RBFOX1: variants seen among roughly 807,000 people sequenced by gnomAD.
The protein encoded by RBFOX1 is RNA binding fox-1 homolog 1.
In RBFOX1, 8 loss-of-function variants were observed where a neutral mutation model predicts 57.7. The ratio of observed to expected loss-of-function variants is 0.14; its 90% CI spans 0.08 to 0.25. The LOEUF (loss-of-function observed/expected upper bound fraction) is 0.25. RBFOX1 is among the 10% of genes least tolerant of loss of function. RBFOX1 has a pLI of 1.00. For synonymous variants in RBFOX1, 326 were observed against 222.4 expected (o/e 1.47, Z -4.15); for missense variants, 611 against 548.5 (o/e 1.11, Z -1.14).
In RBFOX1 at chr16:7,710,964, T is replaced by A. The variant is rs1013367275; in HGVS notation, c.*219T>A. On this transcript the variant is annotated 3_prime_UTR_variant, in exon 16 of 16. Coordinates refer to ENST00000550418, the MANE Select transcript of RBFOX1 (RefSeq NM_018723.4). Reference sequence around the variant, plus strand: ...CTTTAATTTCTGAAGGTTCCGTAGTTTGGTTGCTGGCTGTAGGAGTTTTTG... The same window carrying A: ...CTTTAATTTCTGAAGGTTCCGTAGTATGGTTGCTGGCTGTAGGAGTTTTTG... 4 of 540,178 alleles carry A rather than the reference T, an allele frequency of 7.4e-6. No homozygotes were observed. The African/African-American group carries it at 7.9e-5, about 11-fold the overall frequency. The allele number at this position is 540,178 out of a possible 1,614,324, so 33.5% of individuals were successfully genotyped here. A position where few individuals can be genotyped will look rare whatever the true frequency, so the allele number is the denominator to read the frequency against.
intron 14 of RBFOX1, among the ~76,000 whole-genome samples, chr16:7,682,493 A>AT (rs5815421): frequency 0.45 from 68,681 of 151,312 alleles, 16,210 homozygotes; most frequent in Admixed American, 0.52. Flanking sequence ...AGCCAAAGTC[A>AT]TATCTCTGTG....
At chr16:6,012,527 G>T (rs1388570505) in intron 4 of RBFOX1, among the ~76,000 whole-genome samples, 2 of 152,200 alleles carry the variant, frequency 1.3e-5, no homozygotes, top group Admixed American at 6.5e-5. Context: ...AGTGCCCAGG[G>T]AGTCCCTCCA....
chr16:5,366,737 T>A (rs2065727460), intron 1 of RBFOX1: 1 of 344,792 alleles, frequency 2.9e-6, no homozygotes, highest in African/African-American at 2.2e-5. Flanking sequence ...CTTATTTCAT[T>A]CCTGTAACAG....
chr16:6,717,627 C>T (rs1401928656), intron 3 of RBFOX1, among the ~76,000 whole-genome samples: 1 of 150,802 alleles, frequency 6.6e-6, no homozygotes, highest in African/African-American at 2.4e-5. Flanking sequence ...TTTTACATGT[C>T]ACATCCTGGA....
At chr16:6,195,003 C>G (rs2097170559) in intron 1 of RBFOX1, among the ~76,000 whole-genome samples, 1 of 152,034 alleles carries the variant, frequency 6.6e-6, no homozygotes, top group Admixed American at 6.6e-5. Context: ...TTTTTTAATT[C>G]ATGAAGTCTG....
At chr16:7,612,071 C>T (rs2057581585) in intron 10 of RBFOX1, among the ~76,000 whole-genome samples, 1 of 152,044 alleles carries the variant, frequency 6.6e-6, no homozygotes, top group Admixed American at 6.6e-5. Flanking sequence ...CCTGTAATCC[C>T]AGCACTTTGG....
intron 1 of RBFOX1, among the ~76,000 whole-genome samples, chr16:6,312,269 A>T (rs1599508288): frequency 6.6e-6 from 1 of 152,146 alleles, no homozygotes; most frequent in Non-Finnish European, 1.5e-5. Context: ...AAGAACCAGC[A>T]TTTCTGAACC....
chr16:6,768,504 C>G (rs1175084129), intron 3 of RBFOX1, among the ~76,000 whole-genome samples: 1 of 151,794 alleles, frequency 6.6e-6, no homozygotes, highest in African/African-American at 2.4e-5. Flanking sequence ...CCAGAGAAAA[C>G]TACTATGAAT....
intron 3 of RBFOX1, among the ~76,000 whole-genome samples, chr16:6,673,445 G>C (rs566608725): frequency 1.3e-5 from 2 of 151,914 alleles, no homozygotes; most frequent in African/African-American, 4.8e-5. Context: ...AAAATTAGTC[G>C]GGCCTGGTGG....
intron 4 of RBFOX1, among the ~76,000 whole-genome samples, chr16:7,268,537 T>G (rs1369664286): frequency 6.6e-6 from 1 of 152,172 alleles, no homozygotes; most frequent in Admixed American, 6.5e-5. Context: ...GGAGTTTGAA[T>G]TGCCAATTGA....
At chr16:5,571,913 G>T (rs2046296955) in intron 2 of RBFOX1, among the ~76,000 whole-genome samples, 1 of 152,206 alleles carries the variant, frequency 6.6e-6, no homozygotes. Flanking sequence ...GGGGTTAGAG[G>T]CGTGAGCCAC....
At chr16:7,548,790 G>C (rs1400124750) in intron 5 of RBFOX1, among the ~76,000 whole-genome samples, 9 of 152,190 alleles carry the variant, frequency 5.9e-5, no homozygotes, top group African/African-American at 2.2e-4. Flanking sequence ...GGAGTTGTCA[G>C]CCTGGCTACT....
intron 2 of RBFOX1, among the ~76,000 whole-genome samples, chr16:5,586,980 C>T (rs976211916): frequency 6.6e-6 from 1 of 152,122 alleles, no homozygotes; most frequent in Non-Finnish European, 1.5e-5. Context: ...TCCTGTGCTG[C>T]CCAGATGCCC....
intron 1 of RBFOX1, among the ~76,000 whole-genome samples, chr16:5,447,390 C>CTCTCTCTG (rs1458051477): frequency 1.3e-5 from 2 of 151,382 alleles, no homozygotes; most frequent in African/African-American, 4.9e-5. Context: ...CTCTCTCTCT[C>CTCTCTCTG]TCTCTCTCTC....
chr16:7,688,977 C>T (rs956951974), intron 14 of RBFOX1, among the ~76,000 whole-genome samples: 6 of 152,028 alleles, frequency 3.9e-5, no homozygotes, highest in Admixed American at 2.0e-4. Context: ...ATAGTAAAAG[C>T]TTGGTCTTGA....
intron 5 of RBFOX1, among the ~76,000 whole-genome samples, chr16:7,538,211 C>T (rs113813406): frequency 6.6e-6 from 1 of 152,168 alleles, no homozygotes; most frequent in South Asian, 2.1e-4. Flanking sequence ...AAGGCTATCT[C>T]GTGCCTGGGC....
chr16:6,363,933 G>A (rs545892179), intron 2 of RBFOX1, among the ~76,000 whole-genome samples: 19 of 152,176 alleles, frequency 1.2e-4, no homozygotes, highest in East Asian at 5.8e-4. Context: ...TAATCATATC[G>A]TACAATAAAA....
chr16:6,606,805 C>T (rs193022241), intron 2 of RBFOX1, among the ~76,000 whole-genome samples: 1 of 152,262 alleles, frequency 6.6e-6, no homozygotes, highest in South Asian at 2.1e-4. Flanking sequence ...GTGAATAGTG[C>T]TGCAGTGAAC....
At chr16:5,542,244 A>AT (rs5815254) in intron 2 of RBFOX1, among the ~76,000 whole-genome samples, 2,565 of 122,520 alleles carry the variant, frequency 0.021, 69 homozygotes, top group African/African-American at 0.043. Flanking sequence ...ACAGGTATTG[A>AT]TTTTTTTTTT....
Sources: gnomAD v4.1 joint callset for allele counts (sites outside exome capture counted in the v4.1 genomes callset) on GRCh38, gnomAD v4.1.1 for gene constraint, MANE v1.5 for transcripts, NCBI Gene and HGNC (gene_info 2026-07-23, HGNC 2026-07-21) for gene names.